The following GBE1 variants were observed in gnomAD, a reference collection of about 807,000 sequenced individuals.
GBE1 encodes 1,4-alpha-glucan-branching enzyme.
A neutral mutation model predicts 88.8 loss-of-function variants in GBE1; 70 were observed. The observed-to-expected ratio is 0.79, with a 90% CI of 0.65 to 0.96. The LOEUF (loss-of-function observed/expected upper bound fraction) is 0.96. Among genes scored for constraint, GBE1 ranks in the 40% least tolerant of loss-of-function variants. The probability of loss-of-function intolerance (pLI) is 0.00; values close to 1 mark genes in which losing one functional copy is unlikely to be tolerated. For synonymous variants in GBE1, 284 were observed against 300.1 expected (o/e 0.95, Z 0.56); for missense variants, 872 against 871.0 (o/e 1.00, Z -0.01).
intron 14 of GBE1, among the ~76,000 whole-genome samples, chr3:81,528,075 G>A (rs568289407): frequency 6.6e-6 from 1 of 151,942 alleles, no homozygotes; most frequent in East Asian, 1.9e-4. Context: ...TAGGGTCATG[G>A]ATGAAGCTGG....
Position 81,490,083 on chromosome 3 carries a change from A to C in GBE1, c.*324T>G. On this transcript the variant is annotated 3_prime_UTR_variant, in exon 16 of 16. Transcript: ENST00000429644. ...AATAATCATACATGACAAATGATTC[A>C]AATTTGAATTTAAAAGGATCAAATA... 3.8e-6 allele frequency: 1 copy of C among 263,324 alleles called. No homozygotes were observed. 16.3% of individuals were successfully genotyped at this position (263,324 alleles called of 1,614,324 possible).
At chr3:81,585,431 T>C (rs1342240095) in intron 10 of GBE1, among the ~76,000 whole-genome samples, 1 of 152,112 alleles carries the variant, frequency 6.6e-6, no homozygotes, top group East Asian at 1.9e-4. Context: ...CCCATGAATG[T>C]CGACATGGCT....
intron 12 of GBE1, among the ~76,000 whole-genome samples, chr3:81,570,437 A>G (rs7618973): frequency 0.34 from 52,086 of 152,060 alleles, 9,450 homozygotes; most frequent in East Asian, 0.48. Context: ...ATCTCCAAGC[A>G]TGAAAGATAT....
intron 14 of GBE1, among the ~76,000 whole-genome samples, chr3:81,530,613 T>A (rs1576134886): frequency 6.6e-6 from 1 of 151,946 alleles, no homozygotes; most frequent in African/African-American, 2.4e-5. Context: ...CTGAGATAAT[T>A]CACTGGATTA....
intron 2 of GBE1, among the ~76,000 whole-genome samples, chr3:81,703,837 C>T (rs1705735313): frequency 6.6e-6 from 1 of 151,906 alleles, no homozygotes; most frequent in Non-Finnish European, 1.5e-5. Flanking sequence ...AATATTTATA[C>T]AGCATTTACA....
chr3:81,532,114 A>G (rs1027377217), intron 14 of GBE1, among the ~76,000 whole-genome samples: 11 of 151,864 alleles, frequency 7.2e-5, no homozygotes, highest in Non-Finnish European at 1.5e-4. Flanking sequence ...GGGTTGGTAT[A>G]GGGAATTCAA....
At chr3:81,613,510 C>T (rs1268264356) in intron 7 of GBE1, among the ~76,000 whole-genome samples, 1 of 151,752 alleles carries the variant, frequency 6.6e-6, no homozygotes, top group Non-Finnish European at 1.5e-5. Flanking sequence ...TTAGCATATA[C>T]CAACATGTAT....
chr3:81,525,950 C>A (rs942884523), intron 14 of GBE1, among the ~76,000 whole-genome samples: 2 of 152,012 alleles, frequency 1.3e-5, no homozygotes, highest in African/African-American at 4.8e-5. Flanking sequence ...TCCTAGCGGT[C>A]TATCAATTTT....
intron 7 of GBE1, among the ~76,000 whole-genome samples, chr3:81,616,713 T>C (rs905331965): frequency 1.3e-5 from 2 of 152,144 alleles, no homozygotes; most frequent in African/African-American, 2.4e-5. Flanking sequence ...ATAATCTCTA[T>C]GTCTACATCT....
chr3:81,523,948 T>C lies in GBE1; in HGVS notation c.1934+11247A>G, dbSNP rs114764436. ...AAATCTTGGCTATAGTGAACAGTGC[T>C]ACAATAAAAGAGGAGCGCAAATATC... On this transcript the variant is annotated intron_variant, in intron 14 of 15. Transcript: ENST00000429644. Among the ~76,000 whole-genome samples, 538 of 151,966 alleles carry C rather than the reference T, an allele frequency of 3.5e-3. 3 individuals carry two copies. The highest frequency in any genetic ancestry group is 6.5e-3 in the Admixed American group (99 of 15,214).
At chr3:81,690,030 T>C (rs1230014836) in intron 2 of GBE1, among the ~76,000 whole-genome samples, 1 of 152,200 alleles carries the variant, frequency 6.6e-6, no homozygotes, top group African/African-American at 2.4e-5. Context: ...TGTATTTAGC[T>C]GAACTAAGGA....
chr3:81,713,348 TGAC>T, intron 1 of GBE1, among the ~76,000 whole-genome samples: 1 of 152,284 alleles, frequency 6.6e-6, no homozygotes, highest in South Asian at 2.1e-4. Flanking sequence ...CTTGACGACA[TGAC>T]GACTAGCTGT....
chr3:81,658,298 T>A (rs1704971568), intron 3 of GBE1, among the ~76,000 whole-genome samples: 2 of 152,066 alleles, frequency 1.3e-5, no homozygotes, highest in Non-Finnish European at 2.9e-5. Flanking sequence ...CAAATGAGTG[T>A]CAGACCAGTT....
chr3:81,746,411 C>T (rs1706421160), intron 1 of GBE1, among the ~76,000 whole-genome samples: 1 of 151,982 alleles, frequency 6.6e-6, no homozygotes, highest in African/African-American at 2.4e-5. Context: ...TACAGGTGCT[C>T]GCCACCATAC....
At chr3:81,537,155 T>C (rs1331868529) in intron 12 of GBE1, 60 bp from the exon 13 acceptor site, 1 of 994,380 alleles carries the variant, frequency 1.0e-6, no homozygotes, top group African/African-American at 1.7e-5. Flanking sequence ...TTACTAATAA[T>C]AAATCAATAA....
chr3:81,617,195 A>C (rs1207416445), intron 7 of GBE1, among the ~76,000 whole-genome samples: 1 of 151,760 alleles, frequency 6.6e-6, no homozygotes, highest in Admixed American at 6.6e-5. Flanking sequence ...ATCCATTCTG[A>C]TCTCTATGTC....
At position 81,750,563 on chromosome 3, in the gene GBE1, G is replaced by GTA. The variant is rs747771179; in HGVS notation, c.143+10810_143+10811dup. ...CGTATATATATATGTATATATATATGTATATATATATACGTATATATATAC... is the reference window on the plus strand; with the variant it reads ...CGTATATATATATGTATATATATATGTATATATATATATACGTATATATATAC... On this transcript the variant is annotated intron_variant, in intron 1 of 15. Coordinates refer to ENST00000429644, the MANE Select transcript of GBE1 (RefSeq NM_000158.4). Among the ~76,000 whole-genome samples the GTA allele has an allele frequency of 2.6e-4, 14 of 53,600 alleles. 1 individual carries two copies. The highest frequency in any genetic ancestry group is 8.4e-4 in the East Asian group (1 of 1,190). 35.2% of individuals were successfully genotyped at this position (53,600 alleles called of 152,430 possible). A position where few individuals can be genotyped will look rare whatever the true frequency, so the allele number is the denominator to read the frequency against.
intron 10 of GBE1, among the ~76,000 whole-genome samples, chr3:81,582,323 A>G (rs1000628284): frequency 6.6e-6 from 1 of 152,116 alleles, no homozygotes; most frequent in Non-Finnish European, 1.5e-5. Flanking sequence ...TGAAGATGCT[A>G]TACTGCTGCT....
chr3:81,575,860 T>C (rs906964420), intron 12 of GBE1, among the ~76,000 whole-genome samples: 18 of 152,174 alleles, frequency 1.2e-4, no homozygotes, highest in Non-Finnish European at 2.4e-4. Flanking sequence ...CTTTAATACA[T>C]GGGAAGGTAG....
Sources: gnomAD v4.1 joint callset for allele counts (sites outside exome capture counted in the v4.1 genomes callset) on GRCh38, gnomAD v4.1.1 for gene constraint, MANE v1.5 for transcripts, NCBI Gene and HGNC (gene_info 2026-07-23, HGNC 2026-07-21) for gene names.